Variants in LAMA2 observed in about 807,000 individuals in gnomAD.
The protein encoded by LAMA2 is laminin subunit alpha 2.
Under a neutral mutation model 364.8 loss-of-function variants are expected in LAMA2, and 269 were observed. The ratio of observed to expected loss-of-function variants is 0.74; its 90% CI spans 0.67 to 0.82. The LOEUF is 0.82. LAMA2 is among the 40% of genes least tolerant of loss of function. The pLI, the probability that LAMA2 is intolerant of heterozygous loss-of-function variation, is 0.00. For missense variants in LAMA2, 3,807 were observed against 3,873.2 expected (o/e 0.98, Z 0.45); for synonymous variants, 1,379 against 1,370.6 (o/e 1.01, Z -0.14).
intron 3 of LAMA2, among the ~76,000 whole-genome samples, chr6:129,084,703 G>T (rs111715430): frequency 0.028 from 4,274 of 152,126 alleles, 191 homozygotes; most frequent in African/African-American, 0.099. Flanking sequence ...TTCACCATTT[G>T]CAGTACCATT....
In LAMA2 at chr6:129,314,597, G is replaced by A. The variant is rs925194665; in HGVS notation, c.3412-58G>A. 5.4e-5 allele frequency: 84 copies of A among 1,550,518 alleles called. No homozygotes were observed. In the African/African-American group the frequency reaches 1.1e-3, roughly 21 times the overall value. On this transcript the variant is annotated intron_variant, in intron 23 of 64. Coordinates refer to ENST00000421865, the MANE Select transcript of LAMA2 (RefSeq NM_000426.4). The stretch of plus-strand genomic sequence containing the variant: ...TATGCTCCCGTTATGCATTCTCAGG[G>A]TGATTTCTCCCCTAACTTTGCCGTT...
intron 1 of LAMA2, among the ~76,000 whole-genome samples, chr6:128,922,591 G>A (rs1203779404): frequency 1.3e-5 from 2 of 151,768 alleles, no homozygotes; most frequent in Non-Finnish European, 2.9e-5. Context: ...TGAGTTCATT[G>A]TAGATTCTGG....
chr6:129,172,496 G>T (rs529071028), intron 9 of LAMA2, among the ~76,000 whole-genome samples: 1 of 152,336 alleles, frequency 6.6e-6, no homozygotes, highest in Non-Finnish European at 1.5e-5. Flanking sequence ...CAGGGGTCAG[G>T]GGTCAGGGAC....
intron 3 of LAMA2, among the ~76,000 whole-genome samples, chr6:129,062,054 G>T (rs756139492): frequency 1.3e-5 from 2 of 152,122 alleles, no homozygotes; most frequent in African/African-American, 2.4e-5. Flanking sequence ...ATCAAGTTTC[G>T]TGATGGAACT....
chr6:129,079,614 T>C (rs1249419861), intron 3 of LAMA2, among the ~76,000 whole-genome samples: 2 of 152,070 alleles, frequency 1.3e-5, no homozygotes, highest in East Asian at 3.9e-4. Flanking sequence ...TGGTGGTTCA[T>C]ATTTTCAGTC....
At chr6:129,323,766 G>A (rs756902635) in intron 28 of LAMA2, among the ~76,000 whole-genome samples, 6 of 152,240 alleles carry the variant, frequency 3.9e-5, no homozygotes, top group South Asian at 2.1e-4. Context: ...TCAGCCTTGC[G>A]TGTGCAGCTC....
At chr6:129,219,356 G>A (rs1294614100) in intron 12 of LAMA2, among the ~76,000 whole-genome samples, 2 of 151,880 alleles carry the variant, frequency 1.3e-5, no homozygotes, top group Non-Finnish European at 2.9e-5. Context: ...TGGAGAAATA[G>A]GAACACTTTT....
At chr6:128,989,188 C>T (rs1236933741) in intron 1 of LAMA2, among the ~76,000 whole-genome samples, 1 of 151,908 alleles carries the variant, frequency 6.6e-6, no homozygotes, top group African/African-American at 2.4e-5. Context: ...AAAGTTCTAA[C>T]AATACAATTT....
chr6:129,391,709 TAC>T, intron 36 of LAMA2, 56 bp downstream of exon 36: 1 of 1,498,686 alleles, frequency 6.7e-7, no homozygotes, highest in Non-Finnish European at 9.3e-7. Flanking sequence ...CCAGATAATT[TAC>T]AGTTTTCTAA....
At chr6:128,900,549 A>G (rs1777026754) in intron 1 of LAMA2, among the ~76,000 whole-genome samples, 2 of 152,220 alleles carry the variant, frequency 1.3e-5, no homozygotes, top group Admixed American at 6.5e-5. Context: ...GGATGTAGGC[A>G]GTTACAATTT....
At chr6:129,465,995 T>G (rs1237384074) in intron 51 of LAMA2, among the ~76,000 whole-genome samples, 1 of 151,962 alleles carries the variant, frequency 6.6e-6, no homozygotes, top group Non-Finnish European at 1.5e-5. Flanking sequence ...TACCAATATC[T>G]GCAAATGAGA....
chr6:129,478,959 C>A, intron 54 of LAMA2, 146 bp downstream of exon 54: 1 of 787,176 alleles, frequency 1.3e-6, no homozygotes, highest in South Asian at 1.5e-5. Flanking sequence ...AAGATTAAAG[C>A]ATTCTCTAAA....
intron 1 of LAMA2, among the ~76,000 whole-genome samples, chr6:128,915,798 T>G (rs1469997096): frequency 6.6e-6 from 1 of 152,190 alleles, no homozygotes; most frequent in East Asian, 1.9e-4. Context: ...CCTGTAAGGC[T>G]ACAGTATAAA....
At chr6:128,956,262 C>G (rs1278644956) in intron 1 of LAMA2, among the ~76,000 whole-genome samples, 1 of 151,950 alleles carries the variant, frequency 6.6e-6, no homozygotes, top group Non-Finnish European at 1.5e-5. Context: ...AAATCTCCAA[C>G]CTGACTCTTC....
intron 17 of LAMA2, 61 bp downstream of exon 17, chr6:129,270,812 A>C: frequency 6.7e-7 from 1 of 1,500,550 alleles, no homozygotes; most frequent in Non-Finnish European, 9.3e-7. Flanking sequence ...TACACTTTTC[A>C]TAGCAAATAT....
At chr6:129,211,580 G>A (rs67846041) in intron 12 of LAMA2, among the ~76,000 whole-genome samples, 9,287 of 152,234 alleles carry the variant, frequency 0.061, 494 homozygotes, top group African/African-American at 0.14. Flanking sequence ...TAAAATGCCC[G>A]TGGTAAGTGT....
chr6:128,886,490 C>A (rs1776155652), intron 1 of LAMA2, among the ~76,000 whole-genome samples: 1 of 152,146 alleles, frequency 6.6e-6, no homozygotes, highest in African/African-American at 2.4e-5. Flanking sequence ...AGGTCTGTTG[C>A]TTAACACACA....
At chr6:129,416,150 C>T (rs995682305) in intron 40 of LAMA2, among the ~76,000 whole-genome samples, 1 of 49,468 alleles carries the variant, frequency 2.0e-5, no homozygotes, top group African/African-American at 1.2e-4. Context: ...GGGGTTTCAC[C>T]GTTTTAGCCG....
Position 129,291,671 on chromosome 6 carries a change from A to AGT in LAMA2, c.2811_2812dup (p.Glu938ValfsTer138), listed in dbSNP as rs1490493934. Reference sequence around the variant, plus strand: ...GAGGTTTGCCACAGTCAAACTGGACAGTGTGAGTGCAGAGCCAACGTTCAG... The same window carrying AGT: ...GAGGTTTGCCACAGTCAAACTGGACAGTGTGTGAGTGCAGAGCCAACGTTCAG... On this transcript the variant is annotated frameshift_variant, in exon 20 of 65. Coordinates refer to ENST00000421865, the MANE Select transcript of LAMA2 (RefSeq NM_000426.4). LOFTEE classifies it high-confidence loss of function. 4 of 1,614,054 alleles carry AGT rather than the reference A, an allele frequency of 2.5e-6. No homozygotes were observed. Among genetic ancestry groups the AGT allele is most frequent in the Non-Finnish European group, 3.4e-6 (4 of 1,180,006 alleles).
Sources: allele counts gnomAD v4.1 joint callset (sites outside exome capture counted in the v4.1 genomes callset), GRCh38; gene constraint gnomAD v4.1.1; transcripts MANE v1.5; gene names NCBI Gene and HGNC (gene_info 2026-07-23, HGNC 2026-07-21).